Variants in NOSTRIN observed in about 807,000 individuals in gnomAD.
The protein encoded by NOSTRIN is nitric oxide synthase trafficking, also known as BM247 homolog.
Under a neutral mutation model 59.0 loss-of-function variants are expected in NOSTRIN, and 63 were observed. The ratio of observed to expected loss-of-function variants is 1.07; its 90% confidence interval spans 0.87 to 1.32. NOSTRIN has a LOEUF of 1.32. NOSTRIN is among the 40% of genes most tolerant of loss of function. NOSTRIN has a pLI of 0.00. For synonymous variants in NOSTRIN, 200 were observed against 165.4 expected (o/e 1.21, Z -1.61); for missense variants, 512 against 473.1 (o/e 1.08, Z -0.76).
chr2:168,852,203 C>T (rs1278736037), intron 10 of NOSTRIN, among the ~76,000 whole-genome samples: 1 of 152,144 alleles, frequency 6.6e-6, no homozygotes, highest in African/African-American at 2.4e-5. Context: ...GAAGATCACC[C>T]AAAGGCATGG....
chr2:168,862,148 C>A, intron 15 of NOSTRIN, 99 bp downstream of exon 15: 2 of 994,566 alleles, frequency 2.0e-6, no homozygotes, highest in South Asian at 1.4e-5. Flanking sequence ...GAGTTACTAC[C>A]ATGTCAAATC....
At chr2:168,792,116 G>C (rs1229190724) in intron 2 of NOSTRIN, among the ~76,000 whole-genome samples, 1 of 151,906 alleles carries the variant, frequency 6.6e-6, no homozygotes, top group Non-Finnish European at 1.5e-5. Context: ...TATGGTTTTA[G>C]GTCTAACATG....
At chr2:168,817,725 C>T (rs1686490169) in intron 2 of NOSTRIN, among the ~76,000 whole-genome samples, 1 of 152,184 alleles carries the variant, frequency 6.6e-6, no homozygotes, top group Admixed American at 6.5e-5. Flanking sequence ...GACTCCCAAA[C>T]TAGACCCTCA....
intron 2 of NOSTRIN, among the ~76,000 whole-genome samples, chr2:168,790,401 C>T (rs1051954034): frequency 3.3e-5 from 5 of 152,106 alleles, no homozygotes; most frequent in Non-Finnish European, 5.9e-5. Flanking sequence ...GACTCTACAG[C>T]GAAGCAGCCT....
intron 1 of NOSTRIN, among the ~76,000 whole-genome samples, chr2:168,787,187 A>G (rs1163978837): frequency 6.6e-6 from 1 of 152,132 alleles, no homozygotes; most frequent in Non-Finnish European, 1.5e-5. Context: ...GGAAAGAGGA[A>G]AGGCATTTGA....
chr2:168,807,422 T>C (rs1188971770), intron 1 of NOSTRIN, among the ~76,000 whole-genome samples: 2 of 152,234 alleles, frequency 1.3e-5, no homozygotes, highest in East Asian at 1.9e-4. Flanking sequence ...TAAGGGTTTA[T>C]GCTGGGATAA....
chr2:168,805,107 T>C (rs954090406), intron 1 of NOSTRIN, among the ~76,000 whole-genome samples: 1 of 152,184 alleles, frequency 6.6e-6, no homozygotes, highest in Non-Finnish European at 1.5e-5. Context: ...CTGAATCAAA[T>C]AGGTTTCATG....
chr2:168,863,465 C>T (rs568811211), intron 15 of NOSTRIN: 256 of 985,110 alleles, frequency 2.6e-4, no homozygotes, highest in Non-Finnish European at 2.8e-4. Flanking sequence ...TGGATCCTGA[C>T]GGGGGCAGAT....
chr2:168,848,513 G>A (rs1034142536), intron 8 of NOSTRIN, among the ~76,000 whole-genome samples: 18 of 152,166 alleles, frequency 1.2e-4, no homozygotes, highest in African/African-American at 3.9e-4. Flanking sequence ...TACTGCCTGA[G>A]CCTTTTACTA....
At chr2:168,853,946 C>A (rs919343172) in intron 10 of NOSTRIN, among the ~76,000 whole-genome samples, 10 of 152,234 alleles carry the variant, frequency 6.6e-5, no homozygotes, top group Non-Finnish European at 1.5e-4. Flanking sequence ...CAGCTCACTG[C>A]AACCTCTGCC....
rs1688743320 is a variant in NOSTRIN at position 168,851,145 on chromosome 2, G to A, written c.692G>A (p.Ser231Asn). ...TTATGCAATAACTTAAACCAGTACA[G>A]CCAACATATTTCTCTTTTTGGCCAA... is the stretch of plus-strand genomic sequence containing the variant. ...QLLCNNLNQY[S>N]QHISLFGQTL... The change falls in exon 9 of 16, where the codon AGC becomes AAC. Residue 231 changes from serine (S) to asparagine (N), a missense_variant. Ser to Asn is a conservative substitution (Grantham distance 46). Coordinates refer to ENST00000317647, the MANE Select transcript of NOSTRIN (RefSeq NM_001039724.4). The A allele has an allele frequency of 6.2e-7, 1 of 1,609,292 alleles. No homozygotes were observed. Among genetic ancestry groups the A allele is most frequent in the African/African-American group, 1.3e-5 (1 of 74,838 alleles).
At chr2:168,802,941 C>T (rs1252518467) in intron 1 of NOSTRIN, among the ~76,000 whole-genome samples, 1 of 152,162 alleles carries the variant, frequency 6.6e-6, no homozygotes, top group African/African-American at 2.4e-5. Context: ...TATTTGGATC[C>T]AGATGGTGGC....
chr2:168,861,017 A>C lies in NOSTRIN; in HGVS notation c.1294+108A>C, dbSNP rs1689411735. The C allele has an allele frequency of 1.3e-5, 9 of 691,582 alleles. No individual in the cohort carries two copies. In the South Asian group the frequency reaches 1.7e-4, roughly 13 times the overall value. 42.8% of individuals were successfully genotyped at this position (691,582 alleles called of 1,614,324 possible). A position where few individuals can be genotyped will look rare whatever the true frequency, so the allele number is the denominator to read the frequency against. ...CTTTGACCTGTATCTGTTTAAGGAA[A>C]TTTATATTTCCATTGGGACCGATTA... On this transcript the variant is annotated intron_variant, in intron 14 of 15. Coordinates refer to ENST00000317647, the MANE Select transcript of NOSTRIN (RefSeq NM_001039724.4).
chr2:168,845,184 C>T (rs1688340921), intron 8 of NOSTRIN, among the ~76,000 whole-genome samples: 2 of 152,146 alleles, frequency 1.3e-5, no homozygotes, highest in Non-Finnish European at 2.9e-5. Flanking sequence ...GAGAAAAGGT[C>T]AGGGATTTAA....
At chr2:168,849,670 C>A (rs200383747) in intron 8 of NOSTRIN, among the ~76,000 whole-genome samples, 661 of 118,540 alleles carry the variant, frequency 5.6e-3, no homozygotes, top group South Asian at 7.0e-3. Flanking sequence ...CTTGTTTTTA[C>A]AAAAAAAAAA....
rs375159218 is a variant in NOSTRIN at position 168,851,281 on chromosome 2, C to T, written c.732C>T (p.Cys244=). The T allele has an allele frequency of 3.1e-6, 5 of 1,613,592 alleles. No homozygotes were observed. The African/African-American group carries it at 5.3e-5, about 17-fold the overall frequency. Reference sequence around the variant, plus strand: ...TTCTGTTCCCCTTGGCATTGCAGTGCCACACGCAGATTCACTGTGCCATCA... The same window carrying T: ...TTCTGTTCCCCTTGGCATTGCAGTGTCACACGCAGATTCACTGTGCCATCA... ...ISLFGQTLTT[C]HTQIHCAISK... The change falls in exon 10 of 16, where the codon TGC becomes TGT. Residue 244 remains cysteine (C), a splice_region_variant and synonymous_variant. Transcript: ENST00000317647.
chr2:168,850,761 G>A (rs1277314561), intron 8 of NOSTRIN: 1 of 353,460 alleles, frequency 2.8e-6, no homozygotes, highest in Non-Finnish European at 5.1e-6. Flanking sequence ...GAAATTCTCT[G>A]GAATTCTCTG....
At chr2:168,845,785 T>TCTTC (rs1553531772) in intron 8 of NOSTRIN, among the ~76,000 whole-genome samples, 1 of 92,928 alleles carries the variant, frequency 1.1e-5, no homozygotes, top group Admixed American at 1.1e-4. Context: ...TTAGTTTTTT[T>TCTTC]CTTCCTTTTT....
chr2:168,849,139 G>C (rs936031400), intron 8 of NOSTRIN, among the ~76,000 whole-genome samples: 1 of 152,078 alleles, frequency 6.6e-6, no homozygotes, highest in African/African-American at 2.4e-5. Flanking sequence ...CACCTCTCTT[G>C]CACTGCCAAG....
Sources: gnomAD v4.1 joint callset for allele counts (sites outside exome capture counted in the v4.1 genomes callset) on GRCh38, gnomAD v4.1.1 for gene constraint, MANE v1.5 for transcripts, NCBI Gene and HGNC (gene_info 2026-07-23, HGNC 2026-07-21) for gene names.